Variants in TEKT3 observed in about 807,000 individuals in gnomAD.
TEKT3 encodes the protein tektin 3.
In TEKT3, 49 loss-of-function variants were observed where a neutral mutation model predicts 49.8. The observed-to-expected ratio is 0.98, with a 90% CI of 0.78 to 1.25. TEKT3 has a LOEUF of 1.25. Ranked by LOEUF, TEKT3 falls within the 50% of genes most tolerant of loss-of-function variation. The probability of loss-of-function intolerance (pLI) is 0.00; values close to 1 mark genes in which losing one functional copy is unlikely to be tolerated. For missense variants in TEKT3, 595 were observed against 629.5 expected (o/e 0.95, Z 0.59); for synonymous variants, 225 against 237.2 (o/e 0.95, Z 0.47).
intron 4 of TEKT3, among the ~76,000 whole-genome samples, chr17:15,327,015 C>T (rs1911520149): frequency 6.6e-6 from 1 of 152,002 alleles, no homozygotes; most frequent in African/African-American, 2.4e-5. Flanking sequence ...AATTACACTT[C>T]CCAAAATATA....
chr17:15,326,813 A>G (rs1911512709), intron 4 of TEKT3, among the ~76,000 whole-genome samples: 2 of 152,216 alleles, frequency 1.3e-5, no homozygotes, highest in African/African-American at 4.8e-5. Context: ...TTAAGAAATG[A>G]TAGAGATCTG....
At chr17:15,306,410 G>T (rs1464868044) in intron 8 of TEKT3, among the ~76,000 whole-genome samples, 5 of 151,900 alleles carry the variant, frequency 3.3e-5, no homozygotes, top group African/African-American at 4.8e-5. Context: ...TAATCCTAAA[G>T]ATTTTTGGCA....
At chr17:15,325,800 T>C (rs1911464612) in intron 4 of TEKT3, among the ~76,000 whole-genome samples, 1 of 152,140 alleles carries the variant, frequency 6.6e-6, no homozygotes, top group Non-Finnish European at 1.5e-5. Flanking sequence ...ACAGGAGAGA[T>C]GATGGTAAAT....
intron 5 of TEKT3, among the ~76,000 whole-genome samples, chr17:15,314,772 A>G (rs1021203875): frequency 6.6e-6 from 1 of 152,160 alleles, no homozygotes; most frequent in Non-Finnish European, 1.5e-5. Flanking sequence ...TTGCCAGGAG[A>G]TAAAAACCAA....
intron 2 of TEKT3, among the ~76,000 whole-genome samples, chr17:15,337,998 G>C (rs953109084): frequency 2.6e-5 from 4 of 152,042 alleles, no homozygotes; most frequent in African/African-American, 7.3e-5. Context: ...AGGATAAAGG[G>C]ATCAGTCAAG....
At position 15,331,298 on chromosome 17, in the gene TEKT3, C is replaced by T. The variant is rs151314064; in HGVS notation, c.288G>A (p.Pro96=). ...TTAAATTGGACCTGTACCAGTCATC[C>T]GGTGTGTATCTTGTGAAGAAAGTGG... The part of the protein sequence containing the change: ...NRTTFFTRYT[P]DDWYRSNLTN... The change falls in exon 3 of 9, where the codon CCG becomes CCA. Residue 96 remains proline, a synonymous_variant. Coordinates refer to ENST00000395930, the MANE Select transcript of TEKT3 (RefSeq NM_031898.3). 195 of 1,614,008 alleles carry T rather than the reference C, an allele frequency of 1.2e-4. No homozygotes were observed. In the African/African-American group the frequency reaches 1.8e-3, roughly 15 times the overall value.
upstream of TEKT3, among the ~76,000 whole-genome samples, chr17:15,342,648 G>A (rs532148237): frequency 6.6e-6 from 1 of 152,206 alleles, no homozygotes; most frequent in Non-Finnish European, 1.5e-5. Context: ...CAGGCCAACC[G>A]AACTCATGGG....
chr17:15,340,989 G>T (rs1342447918), intron 1 of TEKT3, among the ~76,000 whole-genome samples: 2 of 152,186 alleles, frequency 1.3e-5, no homozygotes, highest in Non-Finnish European at 2.9e-5. Flanking sequence ...CCAAACACAA[G>T]CGAAAGCTTT....
intron 2 of TEKT3, among the ~76,000 whole-genome samples, chr17:15,333,160 G>A (rs917720465): frequency 4.6e-5 from 7 of 152,092 alleles, no homozygotes; most frequent in African/African-American, 1.7e-4. Flanking sequence ...GGATGCCACA[G>A]ACCACTACGT....
At chr17:15,308,466 A>T (rs535941133) in intron 8 of TEKT3, among the ~76,000 whole-genome samples, 198 bp downstream of exon 8, 83 of 152,296 alleles carry the variant, frequency 5.4e-4, no homozygotes, top group African/African-American at 1.7e-3. Flanking sequence ...TGCAACCGTC[A>T]CCGCCATCCA....
chr17:15,318,440 T>TTA (rs1486730433), intron 5 of TEKT3, among the ~76,000 whole-genome samples: 2 of 152,194 alleles, frequency 1.3e-5, no homozygotes, highest in Non-Finnish European at 2.9e-5. Flanking sequence ...GAAATCTTAG[T>TTA]TACACTCAAG....
At chr17:15,317,633 C>T (rs560083787) in intron 5 of TEKT3, among the ~76,000 whole-genome samples, 1 of 152,262 alleles carries the variant, frequency 6.6e-6, no homozygotes, top group African/African-American at 2.4e-5. Flanking sequence ...CACACATAAT[C>T]ACCTCTCTTA....
rs148394786 is a variant in TEKT3 at position 15,314,246 on chromosome 17, G to A, written c.735-16C>T. The A allele has an allele frequency of 1.3e-3, 2,055 of 1,613,822 alleles. 18 individuals carry two copies. The African/African-American group carries it at 0.018, about 15-fold the overall frequency. ...TCTGTTGGCTCTGCAATACAGAGTC[G>A]GGAAGTGGAGCTTCACACTCAGGTG... On this transcript the variant is annotated splice_polypyrimidine_tract_variant and intron_variant, in intron 5 of 8. Coordinates refer to ENST00000395930, the MANE Select transcript of TEKT3 (RefSeq NM_031898.3).
chr17:15,338,909 G>A (rs1200432503), intron 2 of TEKT3, among the ~76,000 whole-genome samples: 1 of 151,906 alleles, frequency 6.6e-6, no homozygotes, highest in Non-Finnish European at 1.5e-5. Flanking sequence ...CAAATTCTTT[G>A]GAAAAATGAC....
chr17:15,331,733 G>T, intron 2 of TEKT3, 119 bp from the exon 3 acceptor site: 1 of 714,708 alleles, frequency 1.4e-6, no homozygotes, highest in Non-Finnish European at 2.2e-6. Flanking sequence ...CACATTAGAT[G>T]CTTGTTCTCA....
In TEKT3 at chr17:15,319,076, C is replaced by G; in HGVS notation, c.734+1G>C. On this transcript the variant is annotated splice_donor_variant, in intron 5 of 8. Coordinates refer to ENST00000395930, the MANE Select transcript of TEKT3 (RefSeq NM_031898.3). LOFTEE classifies it high-confidence loss of function. The stretch of plus-strand genomic sequence containing the variant: ...ATTGTATAGAGACATAAAGCTCTTA[C>G]GCAAGTTGGGCAATAGCCTTATCCA... 2 of 1,609,684 alleles carry G rather than the reference C, an allele frequency of 1.2e-6. No homozygotes were observed. Among genetic ancestry groups the G allele is most frequent in the South Asian group, 1.1e-5 (1 of 89,936 alleles).
Position 15,331,549 on chromosome 17 carries a change from C to A in TEKT3, c.37G>T (p.Ala13Ser), listed in dbSNP as rs751092788. ...RVGCTLTTTY[A>S]HPRPTPTNFL... The stretch of plus-strand genomic sequence containing the variant: ...TTGGTTGGTGTTGGTCTAGGGTGGG[C>A]GTAAGTTGTCGTTAAAGTACAACCT... Residue 13 changes from alanine to serine, a missense_variant, in exon 3 of 9, where the codon GCC becomes TCC. By Grantham distance (99) the Ala-to-Ser change is moderately conservative. Transcript: ENST00000395930. The A allele has an allele frequency of 2.5e-6, 4 of 1,613,412 alleles. No homozygotes were observed. The highest frequency in any genetic ancestry group is 3.3e-5 in the Admixed American group (2 of 59,946).
intron 5 of TEKT3, 42 bp downstream of exon 5, chr17:15,319,035 C>T: frequency 6.7e-7 from 1 of 1,495,878 alleles, no homozygotes; most frequent in Non-Finnish European, 9.1e-7. Context: ...AAGTATAGTT[C>T]AATGATAGAT....
rs1042355641 is a variant in TEKT3, at chr17:15,308,902, T to A, written c.1102-84A>T. On this transcript the variant is annotated intron_variant, in intron 7 of 8. Coordinates refer to ENST00000395930, the MANE Select transcript of TEKT3 (RefSeq NM_031898.3). ...TCCCACCTCTTGCCTGTCCACTCCA[T>A]GTCCAGCACGTGCCTTGACCTCGCT... is the stretch of plus-strand genomic sequence containing the variant. The A allele has an allele frequency of 8.5e-6, 13 of 1,520,984 alleles. No homozygotes were observed. The African/African-American group carries it at 1.8e-4, about 21-fold the overall frequency. The allele number at this position is 1,520,984 out of a possible 1,614,324, so 94.2% of individuals were successfully genotyped here. A position where few individuals can be genotyped will look rare whatever the true frequency, so the allele number is the denominator to read the frequency against.
Sources: allele counts gnomAD v4.1 joint callset (sites outside exome capture counted in the v4.1 genomes callset), GRCh38; gene constraint gnomAD v4.1.1; transcripts MANE v1.5; gene names NCBI Gene and HGNC (gene_info 2026-07-23, HGNC 2026-07-21).